LRRC18: variants seen among roughly 807,000 people sequenced by gnomAD.
The protein encoded by LRRC18 is leucine-rich repeat-containing protein 18.
Under a neutral mutation model 11.2 loss-of-function variants are expected in LRRC18, and 12 were observed. The ratio of observed to expected loss-of-function variants is 1.07; its 90% CI spans 0.69 to 1.74. The LOEUF (loss-of-function observed/expected upper bound fraction) is 1.74, where lower values mean the gene tolerates loss of function less well. Among genes scored for constraint, LRRC18 ranks in the 40% most tolerant of loss-of-function variants. The probability of loss-of-function intolerance (pLI) is 0.00; values close to 1 mark genes in which losing one functional copy is unlikely to be tolerated. For synonymous variants in LRRC18, 155 were observed against 130.6 expected (o/e 1.19, Z -1.27); for missense variants, 374 against 330.5 (o/e 1.13, Z -1.02).
At chr10:48,913,732 C>T (rs1464426958) in exon 1 of LRRC18, 2 of 1,613,048 alleles carry the variant, frequency 1.2e-6, no homozygotes, top group Admixed American at 1.7e-5. Context: ...TCCTTCAGGG[C>T]CCCCAGTGTG....
At position 48,912,562 on chromosome 10, in the gene LRRC18, C is replaced by T. The variant is rs534494197; in HGVS notation, c.764+830G>A. Among the ~76,000 whole-genome samples the T allele has an allele frequency of 5.3e-4, 80 of 152,356 alleles. 2 individuals carry two copies. In the South Asian group the frequency reaches 6.2e-3, roughly 12 times the overall value. ...CCCCATCTCATTTCAGTTGCTCTCTCCTCCAGCTTGCACCAGGCAAGCCAA... is the reference window on the plus strand; with the variant it reads ...CCCCATCTCATTTCAGTTGCTCTCTTCTCCAGCTTGCACCAGGCAAGCCAA... On this transcript the variant is annotated intron_variant, in intron 1 of 1. Coordinates refer to ENST00000374160, the Ensembl canonical transcript of LRRC18.
At chr10:48,923,301 A>G in the LRRC18 span, among the ~76,000 whole-genome samples, 1 of 151,958 alleles carries the variant, frequency 6.6e-6, no homozygotes, top group African/African-American at 2.4e-5. Flanking sequence ...GCAAGCTGGC[A>G]TGTCAGAAAA....
At chr10:48,911,047 G>A (rs748307853) in intron 1 of LRRC18, 1 of 282,746 alleles carries the variant, frequency 3.5e-6, no homozygotes, top group Non-Finnish European at 5.3e-6. Flanking sequence ...TCAATCATAT[G>A]TCTCTGCGTG....
chr10:48,924,847 A>G, the LRRC18 span, among the ~76,000 whole-genome samples: 2 of 152,228 alleles, frequency 1.3e-5, no homozygotes, highest in African/African-American at 2.4e-5. Context: ...CTGGTGCTTC[A>G]CACTCATGTA....
the LRRC18 span, among the ~76,000 whole-genome samples, chr10:48,920,651 G>A: frequency 6.6e-6 from 1 of 152,150 alleles, no homozygotes; most frequent in Non-Finnish European, 1.5e-5. Flanking sequence ...GTATTACTTT[G>A]GAAATTCTAA....
At chr10:48,932,713 C>T in the LRRC18 span, 1 of 151,480 alleles carries the variant, frequency 6.6e-6, no homozygotes, top group Admixed American at 6.6e-5. Context: ...TGTAAATGCT[C>T]TGCAAATAAT....
upstream of LRRC18, among the ~76,000 whole-genome samples, chr10:48,914,787 AG>A (rs1435100831): frequency 6.6e-6 from 1 of 152,170 alleles, no homozygotes; most frequent in African/African-American, 2.4e-5. Flanking sequence ...CATGCAGAAA[AG>A]CCTGTTGCTC....
chr10:48,937,136 C>A, the LRRC18 span, among the ~76,000 whole-genome samples: 1 of 152,160 alleles, frequency 6.6e-6, no homozygotes, highest in Non-Finnish European at 1.5e-5. Context: ...TCAGGTGATC[C>A]GCCCACCTCG....
the LRRC18 span, among the ~76,000 whole-genome samples, chr10:48,922,299 T>G: frequency 6.6e-6 from 1 of 152,246 alleles, no homozygotes; most frequent in Non-Finnish European, 1.5e-5. Context: ...GGATTCACTC[T>G]GTAAATGCTA....
chr10:48,936,472 C>A, the LRRC18 span, among the ~76,000 whole-genome samples: 1 of 151,826 alleles, frequency 6.6e-6, no homozygotes, highest in Non-Finnish European at 1.5e-5. Flanking sequence ...AAAATAAAAT[C>A]AATATTTGAA....
At chr10:48,912,401 G>A (rs1450775520) in intron 1 of LRRC18, among the ~76,000 whole-genome samples, 3 of 152,164 alleles carry the variant, frequency 2.0e-5, no homozygotes, top group African/African-American at 7.2e-5. Flanking sequence ...GTGCCCAAGG[G>A]GATGCCAAGT....
chr10:48,938,669 G>T, the LRRC18 span, among the ~76,000 whole-genome samples: 1 of 152,232 alleles, frequency 6.6e-6, no homozygotes, highest in South Asian at 2.1e-4. Flanking sequence ...GGTAGGGAAG[G>T]CCCTAAGGCC....
chr10:48,932,850 A>G, the LRRC18 span, among the ~76,000 whole-genome samples: 1 of 152,182 alleles, frequency 6.6e-6, no homozygotes, highest in African/African-American at 2.4e-5. Flanking sequence ...TGTAACTAGA[A>G]TGCTAAGAAG....
At chr10:48,915,248 A>G (rs150999847), upstream of LRRC18, among the ~76,000 whole-genome samples, 90 of 152,290 alleles carry the variant, frequency 5.9e-4, no homozygotes, top group African/African-American at 1.9e-3. Context: ...ATTGCTACAC[A>G]TATTGTTTCT....
chr10:48,928,808 G>C, the LRRC18 span, among the ~76,000 whole-genome samples: 1 of 152,214 alleles, frequency 6.6e-6, no homozygotes, highest in Non-Finnish European at 1.5e-5. Flanking sequence ...GACTGCAAAG[G>C]GGAATGCTGA....
chr10:48,932,771 C>G, the LRRC18 span: 3 of 152,092 alleles, frequency 2.0e-5, no homozygotes, highest in East Asian at 5.8e-4. Context: ...AAGGGCATAT[C>G]GGTGGGGACG....
the LRRC18 span, among the ~76,000 whole-genome samples, chr10:48,923,496 G>GTATATATATA: frequency 2.5e-3 from 160 of 63,176 alleles, 15 homozygotes; most frequent in African/African-American, 5.0e-3. Flanking sequence ...ATAGTTTTTA[G>GTATATATATA]TATATATATA....
At chr10:48,932,009 A>G in the LRRC18 span, among the ~76,000 whole-genome samples, 2 of 152,230 alleles carry the variant, frequency 1.3e-5, no homozygotes, top group African/African-American at 4.8e-5. Context: ...TGCAGGGAGC[A>G]TGGGAGCTGT....
chr10:48,913,864 G>A (rs376179447), exon 1 of LRRC18: 44 of 1,614,022 alleles, frequency 2.7e-5, no homozygotes, highest in Non-Finnish European at 3.5e-5. Context: ...AGGTAGAGCA[G>A]GCTGGTCATC....
Sources: gnomAD v4.1 joint callset for allele counts (sites outside exome capture counted in the v4.1 genomes callset) on GRCh38, gnomAD v4.1.1 for gene constraint, MANE v1.5 for transcripts, NCBI Gene and HGNC (gene_info 2026-07-23, HGNC 2026-07-21) for gene names.